Variants in PARP4 observed in about 807,000 individuals in gnomAD.
PARP4 encodes the protein protein mono-ADP-ribosyltransferase PARP4.
PARP4 carries 120 observed loss-of-function variants against 187.7 expected under a neutral mutation model. The observed-to-expected ratio is 0.64, with a 90% confidence interval of 0.55 to 0.74. PARP4 has a LOEUF of 0.74. PARP4 is among the 30% of genes least tolerant of loss of function. The pLI, the probability that PARP4 is intolerant of heterozygous loss-of-function variation, is 0.00. For synonymous variants in PARP4, 654 were observed against 740.9 expected (o/e 0.88, Z 1.90); for missense variants, 1,836 against 2,070.5 (o/e 0.89, Z 2.20).
intron 11 of PARP4, among the ~76,000 whole-genome samples, chr13:24,485,507 T>G (rs1401964931): frequency 1.3e-5 from 2 of 152,210 alleles, no homozygotes; most frequent in Non-Finnish European, 2.9e-5. Context: ...TGGTTTTTTC[T>G]TTCTTTTCCC....
intron 2 of PARP4, among the ~76,000 whole-genome samples, chr13:24,503,288 T>C (rs568852864): frequency 1.1e-4 from 17 of 152,376 alleles, no homozygotes; most frequent in African/African-American, 3.6e-4. Context: ...GACATACTGG[T>C]GAGTGACGAC....
In PARP4 at chr13:24,452,486, C is replaced by T; in HGVS notation, c.2934G>A (p.Gly978=). 3 of 1,613,742 alleles carry T rather than the reference C, an allele frequency of 1.9e-6. No individual in the cohort carries two copies. Among genetic ancestry groups the T allele is most frequent in the Non-Finnish European group, 1.7e-6 (2 of 1,179,670 alleles). ...ATGTCAGGCTCTCATCCTGGAGGTGCCCATCAGACACCAGGAGGATGTTCC... is the reference window on the plus strand; with the variant it reads ...ATGTCAGGCTCTCATCCTGGAGGTGTCCATCAGACACCAGGAGGATGTTCC... ...GSRNILLVSD[G]HLQDESLTLQ... is the part of the protein sequence containing the mutation. The change falls in exon 24 of 34, where the codon GGG becomes GGA. Residue 978 remains glycine, a synonymous_variant. Transcript: ENST00000381989.
At chr13:24,499,176 T>C (rs528741118) in intron 5 of PARP4, 125 bp downstream of exon 5, 3 of 962,378 alleles carry the variant, frequency 3.1e-6, no homozygotes, top group Admixed American at 3.8e-5. Context: ...AAGGACTATA[T>C]GATATTCAGG....
At chr13:24,467,961 T>C (rs1031004903) in intron 17 of PARP4, among the ~76,000 whole-genome samples, 5 of 151,996 alleles carry the variant, frequency 3.3e-5, no homozygotes, top group African/African-American at 1.2e-4. Context: ...ATTCCCATCC[T>C]GCAGGTGGAT....
At chr13:24,498,937 C>G (rs1869115618) in intron 5 of PARP4, among the ~76,000 whole-genome samples, 1 of 152,080 alleles carries the variant, frequency 6.6e-6, no homozygotes. Flanking sequence ...TATGAGCATG[C>G]ATTACTTTTA....
chr13:24,466,828 G>A (rs1007675852), intron 17 of PARP4, among the ~76,000 whole-genome samples: 3 of 136,490 alleles, frequency 2.2e-5, no homozygotes, highest in African/African-American at 8.4e-5. Context: ...AAATTAATAA[G>A]CCAATAATGG....
chr13:24,506,054 G>A (rs1222592746), intron 1 of PARP4, among the ~76,000 whole-genome samples: 2 of 152,200 alleles, frequency 1.3e-5, no homozygotes, highest in African/African-American at 4.8e-5. Context: ...TCTGGAATTT[G>A]TGGGTTCTTG....
chr13:24,477,351 A>G (rs956714981), intron 14 of PARP4, among the ~76,000 whole-genome samples: 3 of 152,070 alleles, frequency 2.0e-5, no homozygotes, highest in African/African-American at 7.2e-5. Context: ...CTAGCTACTC[A>G]GGAGGCTGAG....
At chr13:24,458,109 A>T (rs1593612075) in intron 20 of PARP4, among the ~76,000 whole-genome samples, 2 of 139,320 alleles carry the variant, frequency 1.4e-5, no homozygotes. Context: ...TGTCTCTACA[A>T]TTTTTTTTTT....
intron 10 of PARP4, 84 bp downstream of exon 10, chr13:24,490,584 G>A: frequency 2.0e-6 from 2 of 1,022,196 alleles, no homozygotes; most frequent in South Asian, 1.5e-5. Context: ...AGATTATCTA[G>A]GTAATTACTG....
chr13:24,424,496 TTTTG>T (rs1220262159), intron 33 of PARP4, among the ~76,000 whole-genome samples: 2 of 152,134 alleles, frequency 1.3e-5, no homozygotes, highest in Admixed American at 6.6e-5. Context: ...AATCAAGGGG[TTTTG>T]TTTAACTTCT....
chr13:24,451,255 A>G (rs975586125), intron 24 of PARP4, among the ~76,000 whole-genome samples: 1 of 152,192 alleles, frequency 6.6e-6, no homozygotes, highest in Non-Finnish European at 1.5e-5. Context: ...GGCTGCCCTG[A>G]GCGCAGCTGT....
chr13:24,503,765 TC>T lies in PARP4; in HGVS notation c.11del (p.Gly4GlufsTer10). 1 of 1,614,066 alleles carries T rather than the reference TC, an allele frequency of 6.2e-7. No homozygotes were observed. The highest frequency in any genetic ancestry group is 8.5e-7 in the Non-Finnish European group (1 of 1,179,934). The part of the protein sequence containing the change: MVM[G>X]IFANCIFCLK... ...AACAGAAGATACAATTTGCAAAGAT[TC>T]CCATCACCATCCTGTAGGAAAAAAA... On this transcript the variant is annotated frameshift_variant, in exon 2 of 34. Coordinates refer to ENST00000381989, the MANE Select transcript of PARP4 (RefSeq NM_006437.4). LOFTEE classifies it high-confidence loss of function.
chr13:24,460,140 A>C lies in PARP4; in HGVS notation c.2134-4T>G, dbSNP rs766703601. 5.6e-6 allele frequency: 9 copies of C among 1,611,204 alleles called. No individual in the cohort carries two copies. In the South Asian group the frequency reaches 9.9e-5, roughly 18 times the overall value. ...CAACACTTACAGTAAAAACGTCCTGAAACAGAAACATATGACTTAGCTTCC... is the reference window on the plus strand; with the variant it reads ...CAACACTTACAGTAAAAACGTCCTGCAACAGAAACATATGACTTAGCTTCC... On this transcript the variant is annotated splice_region_variant and splice_polypyrimidine_tract_variant and intron_variant, in intron 17 of 33. Coordinates refer to ENST00000381989, the MANE Select transcript of PARP4 (RefSeq NM_006437.4).
chr13:24,469,983 TG>T lies in PARP4; in HGVS notation c.1956del (p.Ile653LeufsTer27). Reference protein sequence around the residue: ...FQTYTNKSHVPIEAKYIFPLD... With the variant: ...FQTYTNKSHVXIEAKYIFPLD... ...AAAGGAAAGATATATTTTGCCTCAA[TG>T]GGCACGTGACTTTTATTTGTGTATG... On this transcript the variant is annotated frameshift_variant, in exon 16 of 34. Transcript: ENST00000381989. LOFTEE classifies it high-confidence loss of function. 6.2e-7 allele frequency: 1 copy of T among 1,613,798 alleles called. No individual in the cohort carries two copies. Among genetic ancestry groups the T allele is most frequent in the Non-Finnish European group, 8.5e-7 (1 of 1,179,782 alleles).
At chr13:24,480,552 TA>T (rs1873221569) in intron 12 of PARP4, among the ~76,000 whole-genome samples, 1 of 152,148 alleles carries the variant, frequency 6.6e-6, no homozygotes, top group African/African-American at 2.4e-5. Context: ...TGAAGGAAAT[TA>T]AAAGTGCTGC....
chr13:24,464,993 A>G (rs1397914038), intron 17 of PARP4, among the ~76,000 whole-genome samples: 1 of 152,204 alleles, frequency 6.6e-6, no homozygotes, highest in East Asian at 1.9e-4. Flanking sequence ...ATGAACAGAC[A>G]CTTCTCAAAA....
Position 24,456,497 on chromosome 13 carries a change from G to A in PARP4, c.2425-19C>T, listed in dbSNP as rs9581058. The A allele has an allele frequency of 2.5e-3, 3,945 of 1,579,170 alleles. 78 individuals are homozygous for A. The African/African-American group carries it at 0.044, about 18-fold the overall frequency. On this transcript the variant is annotated intron_variant, in intron 20 of 33. Coordinates refer to ENST00000381989, the MANE Select transcript of PARP4 (RefSeq NM_006437.4). ...CTGTGCGCTGCAAAACAAACACCGC[G>A]ACAACAAGGTGAGTAATGGAGTAAC...
chr13:24,493,963 T>C (rs1161432289), intron 7 of PARP4, among the ~76,000 whole-genome samples: 2 of 152,266 alleles, frequency 1.3e-5, no homozygotes, highest in East Asian at 1.9e-4. Flanking sequence ...TCTATTTTTT[T>C]CCTTCACCCT....
Sources: gnomAD v4.1 joint callset for allele counts (sites outside exome capture counted in the v4.1 genomes callset) on GRCh38, gnomAD v4.1.1 for gene constraint, MANE v1.5 for transcripts, NCBI Gene and HGNC (gene_info 2026-07-23, HGNC 2026-07-21) for gene names.